VPS13D: variants seen among roughly 807,000 people sequenced by gnomAD.
VPS13D encodes intermembrane lipid transfer protein VPS13D.
Under a neutral mutation model 461.9 loss-of-function variants are expected in VPS13D, and 187 were observed. That is an observed-to-expected ratio of 0.40 (90% CI 0.36 to 0.46). The LOEUF (loss-of-function observed/expected upper bound fraction) is 0.46, where lower values mean the gene tolerates loss of function less well. Among genes scored for constraint, VPS13D ranks in the 20% least tolerant of loss-of-function variants. VPS13D has a pLI of 0.60. For missense variants in VPS13D, 4,711 were observed against 5,364.9 expected, an observed-to-expected ratio of 0.88 and a Z score of 3.81; for synonymous variants, 1,951 against 1,986.3, an observed-to-expected ratio of 0.98 and a Z score of 0.47.
At position 12,322,601 on chromosome 1, in the gene VPS13D, A is replaced by C. The variant is rs1413181346; in HGVS notation, c.7770A>C (p.Ala2590=). 1.2e-6 allele frequency: 2 copies of C among 1,614,122 alleles called. No individual in the cohort carries two copies. The highest frequency in any genetic ancestry group is 2.7e-5 in the African/African-American group (2 of 74,942). The change falls in exon 34 of 70, where the codon GCA becomes GCC. Residue 2590 remains alanine, a synonymous_variant. Transcript: ENST00000620676. Reference sequence around the variant, plus strand: ...ATGTTCAGCTGTTTCTTGCCATTGCAAAATCCATCCCAGAGCAAGCTAATG... The same window carrying C: ...ATGTTCAGCTGTTTCTTGCCATTGCCAAATCCATCCCAGAGCAAGCTAATG... ...YNDVQLFLAI[A]KSIPEQANAA...
chr1:12,505,007 A>G lies in VPS13D; in HGVS notation c.12795-1846A>G, dbSNP rs1045461894. ...GTGCTGTGCTCACCTAGAGGAAGGAACCTCACATCTCAGTTGGATTTTTCA... is the reference window on the plus strand; with the variant it reads ...GTGCTGTGCTCACCTAGAGGAAGGAGCCTCACATCTCAGTTGGATTTTTCA... On this transcript the variant is annotated intron_variant, in intron 68 of 69. Coordinates refer to ENST00000620676, the MANE Select transcript of VPS13D (RefSeq NM_015378.4). This position sits in a 1 kb window ranked among gnomAD's most constrained non-coding sequence, Gnocchi z 4.2. 6.6e-6 allele frequency among the ~76,000 whole-genome samples: 1 copy of G among 151,910 alleles called. No individual in the cohort carries two copies. The highest frequency in any genetic ancestry group is 6.6e-5 in the Admixed American group (1 of 15,248).
intron 25 of VPS13D, among the ~76,000 whole-genome samples, chr1:12,300,371 C>G (rs943656257): frequency 1.3e-5 from 2 of 151,996 alleles, no homozygotes; most frequent in Non-Finnish European, 2.9e-5. Flanking sequence ...CCACACCCAG[C>G]GAGTTTTTAT....
chr1:12,428,819 T>G (rs1472023030), intron 65 of VPS13D, among the ~76,000 whole-genome samples: 2 of 152,222 alleles, frequency 1.3e-5, no homozygotes, highest in East Asian at 3.8e-4. Flanking sequence ...TGAAAGAATG[T>G]TAGAAAGGAA....
chr1:12,425,623 T>C (rs1285967486), intron 65 of VPS13D, among the ~76,000 whole-genome samples: 1 of 151,220 alleles, frequency 6.6e-6, no homozygotes, highest in Non-Finnish European at 1.5e-5. Context: ...AACTCCTACA[T>C]GTCGAATATG....
intron 15 of VPS13D, among the ~76,000 whole-genome samples, chr1:12,268,240 A>G (rs1462259314): frequency 7.3e-6 from 1 of 137,906 alleles, no homozygotes; most frequent in Admixed American, 7.5e-5. Flanking sequence ...GTGAGCCACC[A>G]TGCCTGAGCT....
At chr1:12,334,091 G>T (rs1348801353) in intron 38 of VPS13D, among the ~76,000 whole-genome samples, 4 of 152,110 alleles carry the variant, frequency 2.6e-5, no homozygotes, top group Non-Finnish European at 4.4e-5. Context: ...AACTTCCTTT[G>T]GTGTGTATGT....
At chr1:12,356,883 A>G (rs1199801112) in intron 49 of VPS13D, among the ~76,000 whole-genome samples, 3 of 152,236 alleles carry the variant, frequency 2.0e-5, no homozygotes, top group African/African-American at 7.2e-5. Flanking sequence ...TGTCATCAGA[A>G]TGGACATAGG....
chr1:12,358,867 G>C (rs1205074977), intron 50 of VPS13D, among the ~76,000 whole-genome samples: 3 of 152,180 alleles, frequency 2.0e-5, no homozygotes, highest in Non-Finnish European at 4.4e-5. Flanking sequence ...GAAAGTATCA[G>C]TTTGGCTTGA....
At chr1:12,460,133 G>C in intron 66 of VPS13D, 68 bp from the exon 67 acceptor site, 2 of 1,380,042 alleles carry the variant, frequency 1.4e-6, no homozygotes, top group Non-Finnish European at 2.0e-6. Context: ...CATAATCAAG[G>C]GGTTTGGCTT....
intron 61 of VPS13D, among the ~76,000 whole-genome samples, chr1:12,400,953 TGCGC>T (rs1219516243): frequency 0.024 from 3,309 of 136,196 alleles, 139 homozygotes; most frequent in African/African-American, 0.08. Context: ...GATGTGCACC[TGCGC>T]GCGCGCACAC....
At chr1:12,396,565 G>T (rs1644501938) in intron 60 of VPS13D, among the ~76,000 whole-genome samples, 1 of 152,086 alleles carries the variant, frequency 6.6e-6, no homozygotes, top group African/African-American at 2.4e-5. Context: ...TCCAGAAGAA[G>T]AATCCAAAGC....
chr1:12,340,508 A>G (rs1218050759), intron 40 of VPS13D, among the ~76,000 whole-genome samples: 4 of 152,304 alleles, frequency 2.6e-5, no homozygotes, highest in South Asian at 2.1e-4. Context: ...GGCAGTGACA[A>G]TTACCGACTG....
intron 65 of VPS13D, among the ~76,000 whole-genome samples, chr1:12,451,735 T>G (rs1362145004): frequency 6.6e-6 from 1 of 152,244 alleles, no homozygotes; most frequent in Non-Finnish European, 1.5e-5. Context: ...TCCGCTTTGC[T>G]GGGGGGATAT....
chr1:12,234,665 A>G (rs973023265), intron 2 of VPS13D, among the ~76,000 whole-genome samples: 2 of 152,242 alleles, frequency 1.3e-5, no homozygotes, highest in African/African-American at 4.8e-5. Flanking sequence ...GGCAGCCACA[A>G]TGTACCGACA....
At chr1:12,322,001 T>C (rs1273560416) in intron 33 of VPS13D, 37 bp downstream of exon 33, 2 of 1,608,452 alleles carry the variant, frequency 1.2e-6, no homozygotes, top group East Asian at 4.5e-5. Flanking sequence ...GTTGATATGC[T>C]CTCAAACACT....
chr1:12,335,918 G>A (rs780336035), intron 39 of VPS13D, 91 bp downstream of exon 39: 1 of 1,574,792 alleles, frequency 6.4e-7, no homozygotes, highest in South Asian at 1.1e-5. Context: ...CCATCATTCT[G>A]CGTGGAAAAA....
intron 23 of VPS13D, among the ~76,000 whole-genome samples, chr1:12,292,191 G>A (rs866230877): frequency 5.3e-5 from 8 of 149,750 alleles, no homozygotes; most frequent in African/African-American, 9.9e-5. Context: ...CCTGGGGGAC[G>A]GAGGTTGCAG....
At chr1:12,346,735 A>G in intron 44 of VPS13D, 83 bp downstream of exon 44, 2 of 1,325,486 alleles carry the variant, frequency 1.5e-6, no homozygotes, top group Middle Eastern at 1.9e-4. Flanking sequence ...TTTCTTAATG[A>G]TCAGAGAAAC....
intron 60 of VPS13D, among the ~76,000 whole-genome samples, chr1:12,391,228 G>C (rs1310900757): frequency 2.0e-5 from 3 of 152,212 alleles, no homozygotes; most frequent in South Asian, 4.1e-4. Context: ...CTTAACTGCT[G>C]TCCTTCGGGG....
Sources: gnomAD v4.1 joint callset for allele counts (sites outside exome capture counted in the v4.1 genomes callset) on GRCh38, gnomAD v4.1.1 for gene constraint, Gnocchi (gnomAD v3.1) non-coding constraint, MANE v1.5 for transcripts, NCBI Gene and HGNC (gene_info 2026-07-23, HGNC 2026-07-21) for gene names.